Variants in TIMD4 observed in about 807,000 individuals in gnomAD.
TIMD4 encodes T-cell immunoglobulin and mucin domain-containing protein 4.
In TIMD4, 31 loss-of-function variants were observed where a neutral mutation model predicts 41.2. The observed-to-expected ratio is 0.75, with a 90% CI of 0.57 to 1.01. The LOEUF (loss-of-function observed/expected upper bound fraction) is 1.01, where lower values mean the gene tolerates loss of function less well. Ranked by LOEUF, TIMD4 falls within the 50% of genes least tolerant of loss-of-function variation. The pLI is 0.00. For synonymous variants in TIMD4, 204 were observed against 177.1 expected, an observed-to-expected ratio of 1.15 and a Z score of -1.21; for missense variants, 479 against 472.5, an observed-to-expected ratio of 1.01 and a Z score of -0.13.
intron 2 of TIMD4, among the ~76,000 whole-genome samples, 162 bp downstream of exon 2, chr5:156,954,253 G>A (rs185243481): frequency 2.0e-5 from 3 of 152,128 alleles, no homozygotes; most frequent in Non-Finnish European, 4.4e-5. Flanking sequence ...GGCTGCTTTT[G>A]TATTTACTTG....
intron 5 of TIMD4, 81 bp downstream of exon 5, chr5:156,948,335 A>T (rs1759784211): frequency 1.1e-6 from 1 of 887,850 alleles, no homozygotes; most frequent in South Asian, 4.9e-5. Context: ...AAAAAAAAAA[A>T]AAAGCAAGAT....
At chr5:156,961,465 T>C (rs1238613738) in intron 1 of TIMD4, among the ~76,000 whole-genome samples, 7 of 152,150 alleles carry the variant, frequency 4.6e-5, no homozygotes, top group Admixed American at 3.3e-4. Context: ...AGCCAAGATA[T>C]AGAAGCAACC....
At chr5:156,944,552 T>C (rs1759704693) in intron 5 of TIMD4, among the ~76,000 whole-genome samples, 1 of 138,428 alleles carries the variant, frequency 7.2e-6, no homozygotes, top group Non-Finnish European at 1.5e-5. Flanking sequence ...TCCCCCAGGC[T>C]GGAGTACAGT....
chr5:156,929,025 A>T (rs1384901718), intron 5 of TIMD4, among the ~76,000 whole-genome samples: 1 of 152,214 alleles, frequency 6.6e-6, no homozygotes, highest in Non-Finnish European at 1.5e-5. Context: ...CGTGATACCA[A>T]ACAGCACTTT....
At position 156,940,189 on chromosome 5, in the gene TIMD4, C is replaced by T. The variant is rs79376633; in HGVS notation, c.844+8227G>A. On this transcript the variant is annotated intron_variant, in intron 5 of 8. Transcript: ENST00000274532. ...GCCGGGCTGGTCTCCAGCTCCTGAC[C>T]TCGAGTGATCTGCCCGCCTCGGCCT... Among the ~76,000 whole-genome samples, 63 of 152,388 alleles carry T rather than the reference C, an allele frequency of 4.1e-4. No homozygotes were observed. In the East Asian group the frequency reaches 0.012, roughly 29 times the overall value.
intron 5 of TIMD4, among the ~76,000 whole-genome samples, chr5:156,933,922 C>T (rs1023438906): frequency 1.3e-5 from 2 of 152,084 alleles, no homozygotes; most frequent in African/African-American, 2.4e-5. Context: ...CAAAAACAAC[C>T]CCCATGGTAT....
chr5:156,940,804 G>A (rs932241169), intron 5 of TIMD4, among the ~76,000 whole-genome samples: 4 of 152,256 alleles, frequency 2.6e-5, no homozygotes, highest in African/African-American at 9.6e-5. Context: ...CAGCCGCCCC[G>A]TCTGGGAGGT....
In TIMD4 at chr5:156,922,200, A is replaced by G. The variant is rs1759257159; in HGVS notation, c.911T>C (p.Met304Thr). Residue 304 changes from methionine to threonine, a missense_variant, in exon 7 of 9, where the codon ATG (methionine) becomes ACG (threonine). Transcript: ENST00000274532. ...GATGGGCATTTCATTCTTCATTGAC[A>G]TGGGTATTCCATCCATCTGATGGGA... Reference protein sequence around the residue: ...TKTGQMDGIPMSMKNEMPISQ... With the variant: ...TKTGQMDGIPTSMKNEMPISQ... 1.9e-6 allele frequency: 3 copies of G among 1,613,704 alleles called. No homozygotes were observed. The highest frequency in any genetic ancestry group is 1.3e-5 in the African/African-American group (1 of 74,920).
At chr5:156,934,304 G>A (rs1365859593) in intron 5 of TIMD4, among the ~76,000 whole-genome samples, 1 of 152,166 alleles carries the variant, frequency 6.6e-6, no homozygotes, top group Non-Finnish European at 1.5e-5. Flanking sequence ...TAAGTGCAGT[G>A]TGCAATCAGG....
At chr5:156,956,041 C>G (rs1257476645) in intron 1 of TIMD4, among the ~76,000 whole-genome samples, 1 of 152,178 alleles carries the variant, frequency 6.6e-6, no homozygotes, top group Non-Finnish European at 1.5e-5. Context: ...TTACTGTGGT[C>G]ACCATGCAGT....
rs200813433 is a variant in TIMD4, at chr5:156,922,127, G to A, written c.984C>T (p.Phe328=). 80 of 1,613,864 alleles carry A rather than the reference G, an allele frequency of 5.0e-5. No homozygotes were observed. Among genetic ancestry groups the A allele is most frequent in the Non-Finnish European group, 5.9e-5 (70 of 1,179,872 alleles). ...TCAGGAGAAACGCCACAAACAATGC[G>A]AAGAGCACAAATCCCAAGGAGGGGG... ...IIAPSLGFVL[F]ALFVAFLLRG... is the part of the protein sequence containing the mutation. Residue 328 remains phenylalanine (F), a synonymous_variant, in exon 7 of 9, where the codon TTC becomes TTT. Transcript: ENST00000274532.
intron 3 of TIMD4, among the ~76,000 whole-genome samples, chr5:156,949,965 C>A (rs573313101): frequency 1.3e-5 from 2 of 152,156 alleles, no homozygotes; most frequent in South Asian, 4.2e-4. Flanking sequence ...TTACAGGTAC[C>A]CGCCACCATG....
At chr5:156,920,245 C>A (rs972839568) in intron 8 of TIMD4, among the ~76,000 whole-genome samples, 8 of 152,208 alleles carry the variant, frequency 5.3e-5, no homozygotes, top group African/African-American at 1.9e-4. Flanking sequence ...TTCTATTAAT[C>A]CCACCTGCCT....
intron 5 of TIMD4, among the ~76,000 whole-genome samples, chr5:156,940,647 C>T (rs1759629271): frequency 6.6e-6 from 1 of 151,228 alleles, no homozygotes; most frequent in Admixed American, 6.6e-5. Context: ...CGGCCACCAC[C>T]CCATCTGGGA....
Position 156,922,201 on chromosome 5 carries a change from T to C in TIMD4, c.910A>G (p.Met304Val), listed in dbSNP as rs1460181362. 2 of 1,613,650 alleles carry C rather than the reference T, an allele frequency of 1.2e-6. No individual in the cohort carries two copies. The highest frequency in any genetic ancestry group is 1.1e-5 in the South Asian group (1 of 91,054). ...TKTGQMDGIPMSMKNEMPISQ... is the reference protein window; with the variant it reads ...TKTGQMDGIPVSMKNEMPISQ... ...ATGGGCATTTCATTCTTCATTGACA[T>C]GGGTATTCCATCCATCTGATGGGAC... is the stretch of plus-strand genomic sequence containing the variant. The change falls in exon 7 of 9, where the codon ATG becomes GTG. Residue 304 changes from methionine to valine, a missense_variant. Coordinates refer to ENST00000274532, the MANE Select transcript of TIMD4 (RefSeq NM_138379.3).
chr5:156,954,413 A>T lies in TIMD4; in HGVS notation c.400+2T>A. ...CAGGCATGAGGCCCTTCGTGTGCTTACCTCTCTGTAGATTCAGGCGCACGT... is the reference window on the plus strand; with the variant it reads ...CAGGCATGAGGCCCTTCGTGTGCTTTCCTCTCTGTAGATTCAGGCGCACGT... On this transcript the variant is annotated splice_donor_variant, in intron 2 of 8. Transcript: ENST00000274532. LOFTEE classifies it high-confidence loss of function. The T allele has an allele frequency of 6.2e-7, 1 of 1,611,314 alleles. No homozygotes were observed. Among genetic ancestry groups the T allele is most frequent in the Middle Eastern group, 1.7e-4 (1 of 6,044 alleles).
chr5:156,950,476 T>G (rs1759832192), intron 3 of TIMD4, among the ~76,000 whole-genome samples: 1 of 152,232 alleles, frequency 6.6e-6, no homozygotes, highest in South Asian at 2.1e-4. Context: ...TATAATAGAA[T>G]TAGCCAATTC....
chr5:156,929,762 G>T (rs1011276605), intron 5 of TIMD4, among the ~76,000 whole-genome samples: 2 of 152,144 alleles, frequency 1.3e-5, no homozygotes, highest in Non-Finnish European at 2.9e-5. Context: ...GTGGTACTTT[G>T]TGTTACAGCA....
At chr5:156,925,887 TTTTG>T (rs527409778) in intron 6 of TIMD4, among the ~76,000 whole-genome samples, 79 of 152,218 alleles carry the variant, frequency 5.2e-4, no homozygotes, top group Non-Finnish European at 6.3e-4. Flanking sequence ...TCTGCGGATT[TTTTG>T]TTTGTTTGTT....
Sources: gnomAD v4.1 joint callset for allele counts (sites outside exome capture counted in the v4.1 genomes callset) on GRCh38, gnomAD v4.1.1 for gene constraint, MANE v1.5 for transcripts, NCBI Gene and HGNC (gene_info 2026-07-23, HGNC 2026-07-21) for gene names.